The following SHOC1 variants were observed in gnomAD, a reference collection of about 807,000 sequenced individuals.
The protein encoded by SHOC1 is shortage in chiasmata 1, also known as protein shortage in chiasmata 1 ortholog.
SHOC1 carries 136 observed loss-of-function variants against 179.2 expected under a neutral mutation model. The ratio of observed to expected loss-of-function variants is 0.76; its 90% CI spans 0.66 to 0.87. SHOC1 has a LOEUF of 0.87. Ranked by LOEUF, SHOC1 falls within the 40% of genes least tolerant of loss-of-function variation. The pLI, the probability that SHOC1 is intolerant of heterozygous loss-of-function variation, is 0.00. For missense variants in SHOC1, 1,538 were observed against 1,700.8 expected, an observed-to-expected ratio of 0.90 and a Z score of 1.68; for synonymous variants, 489 against 586.6, an observed-to-expected ratio of 0.83 and a Z score of 2.41.
chr9:111,741,608 T>C, intron 10 of SHOC1, 38 bp from the exon 11 acceptor site: 2 of 1,041,640 alleles, frequency 1.9e-6, no homozygotes. Context: ...ATTAATAATA[T>C]TGAGTCTTTT....
At chr9:111,719,704 A>G (rs545151779) in intron 15 of SHOC1, among the ~76,000 whole-genome samples, 1 of 152,312 alleles carries the variant, frequency 6.6e-6, no homozygotes, top group Admixed American at 6.5e-5. Flanking sequence ...TATTTCAAGT[A>G]GTAAACTATG....
At chr9:111,703,655 T>TCG (rs1295410510) in intron 22 of SHOC1, among the ~76,000 whole-genome samples, 1 of 152,152 alleles carries the variant, frequency 6.6e-6, no homozygotes, top group Non-Finnish European at 1.5e-5. Context: ...TATTAAATAT[T>TCG]CTTTATTTGC....
At chr9:111,758,520 C>T (rs10739323) in intron 6 of SHOC1, among the ~76,000 whole-genome samples, 175 bp downstream of exon 6, 93,549 of 152,130 alleles carry the variant, frequency 0.61, 29,277 homozygotes, top group East Asian at 0.89. Flanking sequence ...GCCCAGGAGG[C>T]GGAGGTTGCA....
chr9:111,700,257 C>T lies in SHOC1; in HGVS notation c.3090-210G>A, dbSNP rs77004558. Among the ~76,000 whole-genome samples the T allele has an allele frequency of 9.9e-3, 1,507 of 151,850 alleles. 26 individuals are homozygous for T. The highest frequency in any genetic ancestry group is 0.034 in the African/African-American group (1,417 of 41,422). ...TTATTTAATAATACTGTCAAATCTACGGGATACATGTGTGTTAGGGGAGGT... is the reference window on the plus strand; with the variant it reads ...TTATTTAATAATACTGTCAAATCTATGGGATACATGTGTGTTAGGGGAGGT... On this transcript the variant is annotated intron_variant, in intron 23 of 27. Coordinates refer to ENST00000682961, the MANE Select transcript of SHOC1 (RefSeq NM_001378211.1).
intron 12 of SHOC1, among the ~76,000 whole-genome samples, chr9:111,733,663 T>A (rs1833690168): frequency 6.6e-6 from 1 of 152,088 alleles, no homozygotes; most frequent in African/African-American, 2.4e-5. Flanking sequence ...AGGTCAGCAG[T>A]TTGAGACCAG....
chr9:111,689,348 A>ATTATT, intron 27 of SHOC1, among the ~76,000 whole-genome samples: 1 of 146,556 alleles, frequency 6.8e-6, no homozygotes, highest in East Asian at 2.0e-4. Flanking sequence ...TAATAATAAT[A>ATTATT]ATTATTATTA....
At chr9:111,711,083 C>T (rs1333955765) in intron 18 of SHOC1, among the ~76,000 whole-genome samples, 1 of 152,014 alleles carries the variant, frequency 6.6e-6, no homozygotes, top group Non-Finnish European at 1.5e-5. Context: ...CTTGAGACTG[C>T]AGGAGGAGAT....
intron 8 of SHOC1, among the ~76,000 whole-genome samples, chr9:111,751,041 C>T (rs1310046502): frequency 6.6e-6 from 1 of 151,984 alleles, no homozygotes; most frequent in Non-Finnish European, 1.5e-5. Flanking sequence ...GAAAGGGGTC[C>T]AGTTTCAGTT....
chr9:111,694,789 A>T (rs1831614210), intron 24 of SHOC1, among the ~76,000 whole-genome samples: 1 of 152,088 alleles, frequency 6.6e-6, no homozygotes, highest in East Asian at 1.9e-4. Flanking sequence ...AGACAAAGTT[A>T]AAAAATAAGG....
intron 17 of SHOC1, 139 bp from the exon 18 acceptor site, chr9:111,713,311 A>G: frequency 1.8e-6 from 1 of 541,406 alleles, no homozygotes; most frequent in South Asian, 2.4e-5. Flanking sequence ...TTTCTGTTGT[A>G]AAAAATGTCA....
intron 12 of SHOC1, among the ~76,000 whole-genome samples, 189 bp from the exon 13 acceptor site, chr9:111,728,238 G>T (rs1833399394): frequency 6.6e-6 from 1 of 152,054 alleles, no homozygotes; most frequent in African/African-American, 2.4e-5. Flanking sequence ...TCAAAATTTA[G>T]CACCCTTCTT....
chr9:111,686,939 CTTTTTTTT>C, intron 27 of SHOC1, 69 bp from the exon 28 acceptor site: 1 of 520,080 alleles, frequency 1.9e-6, no homozygotes, highest in Non-Finnish European at 3.0e-6. Flanking sequence ...TTTTCTTTTC[CTTTTTTTT>C]TTTTTTTTCT....
In SHOC1 at chr9:111,738,419, C is replaced by G; in HGVS notation, c.1278G>C (p.Glu426Asp). ...ESLVINLEKA[E>D]WWKQAGLNLK... ...GATTTAGTCCTGCTTGTTTCCACCA[C>G]TCTGCCTTTTCCAGATTAATCACAA... The change falls in exon 12 of 28, where the codon GAG becomes GAC. Residue 426 changes from glutamate to aspartate, a missense_variant. Transcript: ENST00000682961. The G allele has an allele frequency of 6.2e-7, 1 of 1,612,686 alleles. No individual in the cohort carries two copies.
intron 2 of SHOC1, among the ~76,000 whole-genome samples, chr9:111,787,721 A>T (rs1836309719): frequency 6.6e-6 from 1 of 152,252 alleles, no homozygotes; most frequent in Non-Finnish European, 1.5e-5. Flanking sequence ...GCAGCAGCAG[A>T]GTTTGAGAGG....
intron 8 of SHOC1, among the ~76,000 whole-genome samples, chr9:111,749,473 GT>G (rs998554715): frequency 4.6e-5 from 7 of 151,664 alleles, no homozygotes; most frequent in African/African-American, 9.7e-5. Context: ...ATTGCTCAAA[GT>G]TTTTTTTATT....
In SHOC1 at chr9:111,758,810, T is replaced by C. The variant is rs1589449983; in HGVS notation, c.481A>G (p.Ser161Gly). 1.3e-6 allele frequency: 2 copies of C among 1,569,978 alleles called. No individual in the cohort carries two copies. The highest frequency in any genetic ancestry group is 1.7e-6 in the Non-Finnish European group (2 of 1,151,568). The change falls in exon 6 of 28, where the codon AGT becomes GGT. Residue 161 changes from serine to glycine, a missense_variant. Transcript: ENST00000682961. ...IDDKGILFVS[S>G]RKHLPTLPTL... ...GGCAAAGTTGGTAGGTGTTTTCTAC[T>C]ACTTACAAAAAGTATTCCTTTATCA...
Position 111,748,132 on chromosome 9 carries a change from G to A in SHOC1, c.930C>T (p.Thr310=), listed in dbSNP as rs1401626302. 1 of 1,613,668 alleles carries A rather than the reference G, an allele frequency of 6.2e-7. No homozygotes were observed. The highest frequency in any genetic ancestry group is 1.1e-5 in the South Asian group (1 of 91,060). Residue 310 remains threonine, a synonymous_variant, in exon 9 of 28, where the codon ACC becomes ACT. Transcript: ENST00000682961. ...DIKFSSTEIL[T]IQSQSEPEEC... ...CTTCTGGTTCACTCTGGCTTTGAAT[G>A]GTCAAAATCTCTGTGGAGCTGAATT...
intron 1 of SHOC1, among the ~76,000 whole-genome samples, chr9:111,793,189 G>A (rs1465398499): frequency 2.0e-5 from 3 of 152,114 alleles, no homozygotes; most frequent in Non-Finnish European, 4.4e-5. Context: ...GCCTGTCACT[G>A]ATCTTTCAAG....
intron 2 of SHOC1, among the ~76,000 whole-genome samples, chr9:111,786,503 ATTTTTTT>A (rs34413616): frequency 1.6e-4 from 18 of 110,268 alleles, no homozygotes; most frequent in Non-Finnish European, 3.0e-4. Flanking sequence ...TGCTCTGCAG[ATTTTTTT>A]TTTTTTTTTT....
Sources: gnomAD v4.1 joint callset for allele counts (sites outside exome capture counted in the v4.1 genomes callset) on GRCh38, gnomAD v4.1.1 for gene constraint, MANE v1.5 for transcripts, NCBI Gene and HGNC (gene_info 2026-07-23, HGNC 2026-07-21) for gene names.